The following RIMS2 variants were observed in gnomAD, a reference collection of about 807,000 sequenced individuals.
RIMS2 encodes regulating synaptic membrane exocytosis 2, also known as regulating synaptic membrane exocytosis protein 2.
Under a neutral mutation model 174.4 loss-of-function variants are expected in RIMS2, and 59 were observed. The observed-to-expected ratio is 0.34, with a 90% CI of 0.27 to 0.42. The LOEUF is 0.42. RIMS2 is among the 10% of genes least tolerant of loss of function. RIMS2 has a pLI of 1.00. For missense variants in RIMS2, 1,620 were observed against 1,666.3 expected, an observed-to-expected ratio of 0.97 and a Z score of 0.48; for synonymous variants, 606 against 572.5, an observed-to-expected ratio of 1.06 and a Z score of -0.84.
intron 19 of RIMS2, among the ~76,000 whole-genome samples, chr8:104,122,146 G>T (rs904516432): frequency 6.6e-6 from 1 of 152,030 alleles, no homozygotes; most frequent in Non-Finnish European, 1.5e-5. Context: ...TGGAAGCATT[G>T]CCTCACTTCC....
chr8:103,602,676 T>A (rs1272858934), intron 1 of RIMS2, among the ~76,000 whole-genome samples: 5 of 152,230 alleles, frequency 3.3e-5, no homozygotes, highest in Admixed American at 2.0e-4. Flanking sequence ...GGTGTATATG[T>A]TCTACACTTT....
chr8:103,697,316 A>G lies in RIMS2; in HGVS notation c.387+20A>G, dbSNP rs1306354921. The G allele has an allele frequency of 6.5e-7, 1 of 1,540,166 alleles. No individual in the cohort carries two copies. The highest frequency in any genetic ancestry group is 9.0e-7 in the Non-Finnish European group (1 of 1,112,636). On this transcript the variant is annotated intron_variant, in intron 2 of 23. Transcript: ENST00000504942. ...AACAAGGTACAGAAATGAAAATTAC[A>G]GTTCTCTTCTAGTTAAGCTTATTGT...
chr8:104,190,530 G>A (rs1369776779), intron 19 of RIMS2, among the ~76,000 whole-genome samples: 3 of 151,934 alleles, frequency 2.0e-5, no homozygotes, highest in Non-Finnish European at 2.9e-5. Context: ...TTCCTTTTTA[G>A]GCTTTGTCCT....
intron 19 of RIMS2, among the ~76,000 whole-genome samples, chr8:104,236,655 A>C (rs1011198991): frequency 5.9e-5 from 9 of 152,112 alleles, no homozygotes; most frequent in Admixed American, 3.3e-4. Flanking sequence ...ATTAATGGAT[A>C]TGTGAATACT....
intron 19 of RIMS2, among the ~76,000 whole-genome samples, chr8:104,165,555 T>G (rs1224387160): frequency 6.6e-6 from 1 of 152,142 alleles, no homozygotes; most frequent in African/African-American, 2.4e-5. Context: ...TCATTTTGAA[T>G]AAGAGAACTA....
At chr8:103,861,555 A>G (rs1227762484) in intron 3 of RIMS2, among the ~76,000 whole-genome samples, 2 of 152,126 alleles carry the variant, frequency 1.3e-5, no homozygotes, top group Non-Finnish European at 2.9e-5. Flanking sequence ...AAATCTCCAT[A>G]CTGTTTTCTA....
chr8:103,540,591 A>T (rs1177272566), intron 1 of RIMS2, among the ~76,000 whole-genome samples: 1 of 152,226 alleles, frequency 6.6e-6, no homozygotes, highest in African/African-American at 2.4e-5. Flanking sequence ...ATCAACATAA[A>T]ATGACAAGAA....
chr8:103,545,214 T>C (rs1410420922), intron 1 of RIMS2, among the ~76,000 whole-genome samples: 1 of 152,040 alleles, frequency 6.6e-6, no homozygotes, highest in Non-Finnish European at 1.5e-5. Context: ...AATTGATAGA[T>C]TGGCTGTATA....
chr8:103,577,806 C>G (rs1029866519), intron 1 of RIMS2, among the ~76,000 whole-genome samples: 26 of 152,060 alleles, frequency 1.7e-4, no homozygotes, highest in Non-Finnish European at 7.4e-5. Context: ...AAATATATTT[C>G]CTGATCTGAC....
intron 17 of RIMS2, among the ~76,000 whole-genome samples, chr8:103,990,642 T>A (rs2094621392): frequency 6.6e-6 from 1 of 152,008 alleles, no homozygotes; most frequent in Admixed American, 6.6e-5. Flanking sequence ...CATATTAGGA[T>A]GAATGAAGAG....
chr8:103,961,221 G>A (rs567297437), intron 15 of RIMS2, 88 bp downstream of exon 17: 2 of 740,508 alleles, frequency 2.7e-6, no homozygotes, highest in South Asian at 3.2e-5. Flanking sequence ...AAAAGAGAAA[G>A]ATATAACTCG....
At chr8:103,700,487 A>G (rs934257340) in intron 2 of RIMS2, among the ~76,000 whole-genome samples, 1 of 151,976 alleles carries the variant, frequency 6.6e-6, no homozygotes, top group Admixed American at 6.6e-5. Flanking sequence ...TTAACATAGT[A>G]TATGTTCTTC....
At chr8:103,730,399 A>G (rs2097576542) in intron 2 of RIMS2, among the ~76,000 whole-genome samples, 1 of 152,176 alleles carries the variant, frequency 6.6e-6, no homozygotes, top group African/African-American at 2.4e-5. Context: ...CTTTATCATT[A>G]TATAATTACC....
intron 1 of RIMS2, among the ~76,000 whole-genome samples, chr8:103,604,415 T>A (rs1420434786): frequency 1.3e-5 from 2 of 152,174 alleles, no homozygotes; most frequent in African/African-American, 4.8e-5. Context: ...TGTAGTATAG[T>A]TTGAAGTCAG....
At chr8:103,834,402 T>C (rs1327663903) in intron 3 of RIMS2, among the ~76,000 whole-genome samples, 1 of 147,600 alleles carries the variant, frequency 6.8e-6, no homozygotes, top group Non-Finnish European at 1.5e-5. Flanking sequence ...TGTGGCACAA[T>C]TATTGCTCAC....
chr8:103,897,560 T>C (rs2099293861), intron 4 of RIMS2, among the ~76,000 whole-genome samples: 1 of 151,744 alleles, frequency 6.6e-6, no homozygotes, highest in Admixed American at 6.6e-5. Context: ...ATCTGTCTTA[T>C]AATGAATCAT....
At chr8:103,554,252 C>T (rs1354109868) in intron 1 of RIMS2, among the ~76,000 whole-genome samples, 2 of 152,108 alleles carry the variant, frequency 1.3e-5, no homozygotes, top group Non-Finnish European at 2.9e-5. Flanking sequence ...AGTAAATAGA[C>T]AACCTACAGA....
chr8:103,880,555 C>A, intron 3 of RIMS2: 1 of 413,462 alleles, frequency 2.4e-6, no homozygotes, highest in East Asian at 3.6e-5. Context: ...ACTTTCAAAT[C>A]ATCTGATTAA....
intron 1 of RIMS2, among the ~76,000 whole-genome samples, chr8:103,671,072 C>T (rs1009057252): frequency 1.5e-4 from 23 of 151,950 alleles, no homozygotes; most frequent in South Asian, 2.1e-4. Flanking sequence ...TGGTGGGAGG[C>T]GAAAGGCACG....
Sources: allele counts gnomAD v4.1 joint callset (sites outside exome capture counted in the v4.1 genomes callset), GRCh38; gene constraint gnomAD v4.1.1; transcripts MANE v1.5; gene names NCBI Gene and HGNC (gene_info 2026-07-23, HGNC 2026-07-21).